SLC16A2: variants seen among roughly 807,000 people sequenced by gnomAD.
SLC16A2 encodes the protein monocarboxylate transporter 8.
A neutral mutation model predicts 27.2 loss-of-function variants in SLC16A2; 3 were observed. The ratio of observed to expected loss-of-function variants is 0.11; its 90% CI spans 0.05 to 0.28. The LOEUF (loss-of-function observed/expected upper bound fraction) is 0.28, where lower values mean the gene tolerates loss of function less well. Among genes scored for constraint, SLC16A2 ranks in the 10% least tolerant of loss-of-function variants. The pLI is 1.00. For synonymous variants in SLC16A2, 202 were observed against 187.8 expected (o/e 1.08, Z -0.62); for missense variants, 295 against 458.5 (o/e 0.64, Z 3.26).
At chrX:74,486,912 A>G (rs568754676) in intron 1 of SLC16A2, among the ~76,000 whole-genome samples, 2 of 111,996 alleles carry the variant, frequency 1.8e-5, no homozygotes, top group Admixed American at 9.4e-5. Context: ...GCCGTAAAAA[A>G]GGATGAGTTC....
intron 1 of SLC16A2, among the ~76,000 whole-genome samples, chrX:74,514,182 C>A (rs983705137): frequency 4.6e-5 from 5 of 108,836 alleles, no homozygotes; most frequent in African/African-American, 1.7e-4. Flanking sequence ...AACAGAAAAC[C>A]TGAGTTTTCT....
intron 1 of SLC16A2, among the ~76,000 whole-genome samples, chrX:74,459,424 C>T (rs989770450): frequency 1.9e-5 from 2 of 104,634 alleles, no homozygotes. Context: ...AGAGACTGTA[C>T]CCCAGCCAGT....
intron 1 of SLC16A2, among the ~76,000 whole-genome samples, chrX:74,510,396 C>A (rs915887600): frequency 1.7e-3 from 190 of 109,000 alleles, no homozygotes; most frequent in African/African-American, 6.0e-3. Flanking sequence ...AAAAAAAAAA[C>A]AAAACAAAAC....
chrX:74,531,166 C>T (rs766929991), intron 5 of SLC16A2, among the ~76,000 whole-genome samples, 167 bp from the exon 6 acceptor site: 2 of 112,896 alleles, frequency 1.8e-5, no homozygotes, highest in South Asian at 7.3e-4. Context: ...AGCATTCGCT[C>T]AAGGGCCTGC....
intron 1 of SLC16A2, among the ~76,000 whole-genome samples, chrX:74,448,946 A>G (rs1928888727): frequency 9.0e-6 from 1 of 111,289 alleles, no homozygotes; most frequent in South Asian, 3.8e-4. Context: ...TCATGCCCGC[A>G]TCTTTAGCTG....
chrX:74,473,941 C>T (rs1382203860), intron 1 of SLC16A2: 1 of 374,493 alleles, frequency 2.7e-6, no homozygotes, highest in Admixed American at 4.1e-5. Context: ...TTAGGAGATG[C>T]TGACTTAGAC....
At chrX:74,461,915 C>A (rs1001618842) in intron 1 of SLC16A2, among the ~76,000 whole-genome samples, 25 of 111,313 alleles carry the variant, frequency 2.2e-4, no homozygotes, top group African/African-American at 7.2e-4. Context: ...TGTCCCAAGC[C>A]CCTGAATCCC....
chrX:74,432,352 G>C (rs1928549392), intron 1 of SLC16A2, among the ~76,000 whole-genome samples: 1 of 111,627 alleles, frequency 9.0e-6, no homozygotes, highest in Non-Finnish European at 1.9e-5. Flanking sequence ...TTCTGAACAG[G>C]ATAGCTCCAG....
chrX:74,479,262 C>T, intron 1 of SLC16A2, among the ~76,000 whole-genome samples: 1 of 112,122 alleles, frequency 8.9e-6, no homozygotes, highest in African/African-American at 3.2e-5. Context: ...ACCCTTTCTT[C>T]CAGTTGATCG....
At chrX:74,477,671 G>A (rs1339754839) in intron 1 of SLC16A2, among the ~76,000 whole-genome samples, 1 of 111,776 alleles carries the variant, frequency 8.9e-6, no homozygotes, top group Non-Finnish European at 1.9e-5. Context: ...AGAGATTCTG[G>A]TATGTTGTAT....
intron 1 of SLC16A2, among the ~76,000 whole-genome samples, chrX:74,429,693 C>T (rs368140350): frequency 1.2e-3 from 138 of 112,072 alleles, no homozygotes; most frequent in African/African-American, 3.9e-3. Flanking sequence ...TGTGTCCAGA[C>T]CTATGTGTAT....
chrX:74,521,224 T>C, intron 2 of SLC16A2, 90 bp downstream of exon 2: 1 of 1,079,556 alleles, frequency 9.3e-7, no homozygotes, highest in East Asian at 3.0e-5. Context: ...CACTGCAGAA[T>C]CCCCTGTGGC....
At chrX:74,441,096 C>A (rs899654778) in intron 1 of SLC16A2, among the ~76,000 whole-genome samples, 1 of 107,813 alleles carries the variant, frequency 9.3e-6, no homozygotes, top group Non-Finnish European at 1.9e-5. Context: ...CTGTCTCTGT[C>A]GCCCAGGCTA....
At chrX:74,450,636 C>G (rs1353584904) in intron 1 of SLC16A2, among the ~76,000 whole-genome samples, 2 of 111,794 alleles carry the variant, frequency 1.8e-5, no homozygotes, top group Non-Finnish European at 3.8e-5. Flanking sequence ...TTGGACCAAG[C>G]CAATATCAGA....
rs184255973 is a variant in SLC16A2 at position 74,512,139 on chromosome X, A to G, written c.431-8851A>G. On this transcript the variant is annotated intron_variant, in intron 1 of 5. Transcript: ENST00000587091. ...TCATCACAGTCCTAAGCTGCCTGCT[A>G]CCTACCACACACTGTCCCCATGCCA... 9.8e-5 allele frequency among the ~76,000 whole-genome samples: 11 copies of G among 112,257 alleles called. No individual in the cohort carries two copies. In the East Asian group the frequency reaches 3.1e-3, roughly 31 times the overall value.
At chrX:74,524,117 C>G (rs946716501) in intron 2 of SLC16A2, among the ~76,000 whole-genome samples, 2 of 111,601 alleles carry the variant, frequency 1.8e-5, no homozygotes, top group African/African-American at 6.5e-5. Flanking sequence ...GGATTCAAGT[C>G]CAAGTTTTGC....
chrX:74,427,811 G>GCA (rs35510872), intron 1 of SLC16A2, among the ~76,000 whole-genome samples: 9,211 of 101,600 alleles, frequency 0.091, 396 homozygotes, highest in South Asian at 0.16. Flanking sequence ...GCACGCGCGC[G>GCA]CACACACACA....
intron 1 of SLC16A2, among the ~76,000 whole-genome samples, chrX:74,488,890 T>C (rs1370618519): frequency 1.8e-5 from 2 of 111,931 alleles, no homozygotes; most frequent in African/African-American, 3.2e-5. Context: ...TTAAATAAAC[T>C]TAGAATTAGA....
At position 74,524,533 on chromosome X, in the gene SLC16A2, C is replaced by T. The variant is rs1183826237; in HGVS notation, c.750C>T (p.Ile250=). 2 of 1,209,266 alleles carry T rather than the reference C, an allele frequency of 1.7e-6. No homozygotes were observed. The change falls in exon 3 of 6, where the codon ATC becomes ATT. Residue 250 remains isoleucine (I), a synonymous_variant. Coordinates refer to ENST00000587091, the MANE Select transcript of SLC16A2 (RefSeq NM_006517.5). ...TCTCCATGTCCTTCCCCTTCCTCATCAGAATGCTGGGGGATAAGATCAAGC... is the reference window on the plus strand; with the variant it reads ...TCTCCATGTCCTTCCCCTTCCTCATTAGAATGCTGGGGGATAAGATCAAGC... ...SIFSMSFPFL[I]RMLGDKIKLA...
Sources: gnomAD v4.1 joint callset for allele counts (sites outside exome capture counted in the v4.1 genomes callset) on GRCh38, gnomAD v4.1.1 for gene constraint, MANE v1.5 for transcripts, NCBI Gene and HGNC (gene_info 2026-07-23, HGNC 2026-07-21) for gene names.